Variants in MAD1L1 observed in about 807,000 individuals in gnomAD.
MAD1L1 encodes mitotic arrest deficient 1 like 1, also known as mitotic spindle assembly checkpoint protein MAD1.
In MAD1L1, 95 loss-of-function variants were observed where a neutral mutation model predicts 96.9. The ratio of observed to expected loss-of-function variants is 0.98; its 90% CI spans 0.83 to 1.16. The LOEUF is 1.16. Among genes scored for constraint, MAD1L1 ranks in the 50% most tolerant of loss-of-function variants. The pLI is 0.00. For synonymous variants in MAD1L1, 473 were observed against 396.6 expected, an observed-to-expected ratio of 1.19 and a Z score of -2.29; for missense variants, 1,007 against 954.4, an observed-to-expected ratio of 1.06 and a Z score of -0.73.
intron 15 of MAD1L1, among the ~76,000 whole-genome samples, chr7:1,958,703 A>G (rs1018292595): frequency 2.1e-4 from 32 of 152,272 alleles, no homozygotes; most frequent in African/African-American, 7.2e-4. Flanking sequence ...GACACGGCCT[A>G]TAATGAAGAG....
chr7:2,037,491 T>C (rs1416083522), intron 12 of MAD1L1, among the ~76,000 whole-genome samples: 1 of 152,260 alleles, frequency 6.6e-6, no homozygotes, highest in Non-Finnish European at 1.5e-5. Flanking sequence ...TCACATCTGG[T>C]AATCCTCATG....
At chr7:2,087,186 G>A (rs1935913243) in intron 11 of MAD1L1, among the ~76,000 whole-genome samples, 1 of 152,164 alleles carries the variant, frequency 6.6e-6, no homozygotes, top group South Asian at 2.1e-4. Flanking sequence ...GGGATGCTCA[G>A]TGCAACTGTC....
chr7:2,061,172 A>G (rs1427879316), intron 12 of MAD1L1, among the ~76,000 whole-genome samples: 3 of 152,064 alleles, frequency 2.0e-5, no homozygotes, highest in Non-Finnish European at 4.4e-5. Flanking sequence ...CCCCATCTCT[A>G]CTAAAAATAC....
At chr7:2,139,521 C>G (rs1788921657) in intron 11 of MAD1L1, among the ~76,000 whole-genome samples, 1 of 152,264 alleles carries the variant, frequency 6.6e-6, no homozygotes, top group Admixed American at 6.5e-5. Flanking sequence ...ACCCAGCACC[C>G]TGAGAGTATG....
At position 2,222,753 on chromosome 7, in the gene MAD1L1, C is replaced by A; in HGVS notation, c.293G>T (p.Arg98Leu). 6.3e-7 allele frequency: 1 copy of A among 1,596,054 alleles called. No homozygotes were observed. Among genetic ancestry groups the A allele is most frequent in the Non-Finnish European group, 8.5e-7 (1 of 1,176,180 alleles). The change falls in exon 5 of 19, where the codon CGT becomes CTT. Residue 98 changes from arginine to leucine, a missense_variant and splice_region_variant. Physicochemically the swap from Arg to Leu is moderately radical, Grantham distance 102. Coordinates refer to ENST00000265854, the MANE Select transcript of MAD1L1 (RefSeq NM_001013836.2). ...GAGCTCCTGGTTGCGGTCGACCTCA[C>A]GCTGTTAAGAGAGCAAGAGTCAGAT... ...AASTSARNYEREVDRNQELLT... is the reference protein window; with the variant it reads ...AASTSARNYELEVDRNQELLT...
chr7:1,886,768 G>A (rs1225696696), intron 18 of MAD1L1, among the ~76,000 whole-genome samples: 1 of 152,272 alleles, frequency 6.6e-6, no homozygotes, highest in African/African-American at 2.4e-5. Flanking sequence ...ATGGCACTGT[G>A]TGCAGACAGG....
At chr7:1,966,455 G>A (rs927033627) in intron 15 of MAD1L1, among the ~76,000 whole-genome samples, 4 of 150,524 alleles carry the variant, frequency 2.7e-5, no homozygotes, top group Admixed American at 6.7e-5. Flanking sequence ...GAGTGTGCAC[G>A]CTCTCACAGC....
At chr7:1,841,280 C>T (rs558098255) in intron 18 of MAD1L1, among the ~76,000 whole-genome samples, 84 of 152,316 alleles carry the variant, frequency 5.5e-4, no homozygotes, top group Middle Eastern at 3.4e-3. Context: ...ACATGGGGGG[C>T]GAGGACAGCT....
chr7:2,191,755 G>A (rs1032151770), intron 10 of MAD1L1, among the ~76,000 whole-genome samples: 5 of 151,226 alleles, frequency 3.3e-5, no homozygotes, highest in Admixed American at 6.6e-5. Context: ...AAATTAAGCC[G>A]GGTGCGGTGT....
chr7:2,224,515 CA>C (rs1446780914), intron 4 of MAD1L1, among the ~76,000 whole-genome samples: 1 of 152,168 alleles, frequency 6.6e-6, no homozygotes, highest in African/African-American at 2.4e-5. Flanking sequence ...ATCTGCAGGC[CA>C]GGGGCAAGCA....
intron 15 of MAD1L1, among the ~76,000 whole-genome samples, chr7:1,975,658 T>C (rs1257078196): frequency 6.6e-6 from 1 of 152,194 alleles, no homozygotes; most frequent in African/African-American, 2.4e-5. Context: ...GTCTAGCACC[T>C]GGCCCTCTGG....
At chr7:1,872,026 G>A (rs1332374536) in intron 18 of MAD1L1, among the ~76,000 whole-genome samples, 10 of 152,198 alleles carry the variant, frequency 6.6e-5, no homozygotes. Context: ...GTTCCAGCAT[G>A]ACTCCCAGGC....
intron 17 of MAD1L1, among the ~76,000 whole-genome samples, chr7:1,923,103 G>C (rs1449176030): frequency 1.3e-5 from 2 of 152,200 alleles, no homozygotes; most frequent in Non-Finnish European, 2.9e-5. Context: ...TTTTCTTTAA[G>C]TGTTTGGTAG....
rs188142323 is a variant in MAD1L1 at position 1,910,346 on chromosome 7, G to A, written c.1808-11956C>T. Among the ~76,000 whole-genome samples, 57 of 152,338 alleles carry A rather than the reference G, an allele frequency of 3.7e-4. 1 individual carries two copies. The East Asian group carries it at 0.01, about 28-fold the overall frequency. ...CTGCTGAATGGACAGAAAGATGCCTGCAGGAGGCCAGAATCCAGCTCCACG... is the reference window on the plus strand; with the variant it reads ...CTGCTGAATGGACAGAAAGATGCCTACAGGAGGCCAGAATCCAGCTCCACG... On this transcript the variant is annotated intron_variant, in intron 17 of 18. Coordinates refer to ENST00000265854, the MANE Select transcript of MAD1L1 (RefSeq NM_001013836.2).
At chr7:1,865,165 G>A (rs1361996832) in intron 18 of MAD1L1, among the ~76,000 whole-genome samples, 3 of 152,184 alleles carry the variant, frequency 2.0e-5, no homozygotes, top group East Asian at 1.9e-4. Flanking sequence ...GGGCACATGC[G>A]TGAGGCGTGC....
intron 18 of MAD1L1, among the ~76,000 whole-genome samples, chr7:1,876,283 G>A (rs1046018914): frequency 6.6e-6 from 1 of 152,006 alleles, no homozygotes; most frequent in Non-Finnish European, 1.5e-5. Context: ...GAGGCTAAGG[G>A]CCTCACGTGG....
At chr7:1,860,749 C>T (rs766116772) in intron 18 of MAD1L1, among the ~76,000 whole-genome samples, 1 of 152,040 alleles carries the variant, frequency 6.6e-6, no homozygotes, top group African/African-American at 2.4e-5. Context: ...GCCTGACCTC[C>T]GCTCACATCT....
At chr7:2,129,444 C>T (rs1180399780) in intron 11 of MAD1L1, among the ~76,000 whole-genome samples, 1 of 152,220 alleles carries the variant, frequency 6.6e-6, no homozygotes, top group Non-Finnish European at 1.5e-5. Context: ...CCACACGGCT[C>T]CTGCTAGGCA....
Position 2,008,024 on chromosome 7 carries a change from G to A in MAD1L1, c.1360-5903C>T, listed in dbSNP as rs530002707. Among the ~76,000 whole-genome samples, 6 of 152,386 alleles carry A rather than the reference G, an allele frequency of 3.9e-5. No homozygotes were observed. In the South Asian group the frequency reaches 1.0e-3, roughly 26 times the overall value. ...AAGAAAGCCCAAAACAACAGTCACAGGCCCCAGACCGGTGTCTCTACGAGC... is the reference window on the plus strand; with the variant it reads ...AAGAAAGCCCAAAACAACAGTCACAAGCCCCAGACCGGTGTCTCTACGAGC... On this transcript the variant is annotated intron_variant, in intron 13 of 18. Coordinates refer to ENST00000265854, the MANE Select transcript of MAD1L1 (RefSeq NM_001013836.2).
Sources: gnomAD v4.1 joint callset for allele counts (sites outside exome capture counted in the v4.1 genomes callset) on GRCh38, gnomAD v4.1.1 for gene constraint, MANE v1.5 for transcripts, NCBI Gene and HGNC (gene_info 2026-07-23, HGNC 2026-07-21) for gene names.